The following NBEA variants were observed in gnomAD, a reference collection of about 807,000 sequenced individuals.
The protein encoded by NBEA is neurobeachin.
In NBEA, 44 loss-of-function variants were observed where a neutral mutation model predicts 343.4. That is an observed-to-expected ratio of 0.13 (90% confidence interval 0.10 to 0.16). The LOEUF (loss-of-function observed/expected upper bound fraction) is 0.16. Ranked by LOEUF, NBEA falls within the 10% of genes least tolerant of loss-of-function variation. The probability of loss-of-function intolerance (pLI) is 1.00; values close to 1 mark genes in which losing one functional copy is unlikely to be tolerated. For missense variants in NBEA, 2,555 were observed against 3,631.3 expected (o/e 0.70, Z 7.62); for synonymous variants, 1,175 against 1,238.7 (o/e 0.95, Z 1.08).
intron 34 of NBEA, among the ~76,000 whole-genome samples, chr13:35,288,007 G>T (rs900694243): frequency 2.0e-5 from 3 of 151,782 alleles, no homozygotes; most frequent in African/African-American, 7.3e-5. Context: ...ACTTGGGAAG[G>T]TATAAATAAT....
chr13:35,159,752 T>G lies in NBEA; in HGVS notation c.3581T>G (p.Val1194Gly). ...LGLLAHMTGS[V>G]DLTCTSSIIE... is the part of the protein sequence containing the mutation. The stretch of plus-strand genomic sequence containing the variant: ...TTGCTTGCTCACATGACCGGTAGCG[T>G]AGACTTAACTTGTACATCCAGTATA... The change falls in exon 22 of 59, where the codon GTA (valine) becomes GGA (glycine). Residue 1194 changes from valine to glycine, a missense_variant. By Grantham distance (109) the Val-to-Gly change is moderately radical. Around this residue, in one of 21 missense-constraint regions of NBEA, gnomAD observed 367 missense variants for 377.5 expected, o/e 0.97. Coordinates refer to ENST00000379939, the MANE Select transcript of NBEA (RefSeq NM_001385012.1). The G allele has an allele frequency of 6.2e-7, 1 of 1,613,286 alleles. No homozygotes were observed. Among genetic ancestry groups the G allele is most frequent in the Non-Finnish European group, 8.5e-7 (1 of 1,179,632 alleles).
intron 37 of NBEA, among the ~76,000 whole-genome samples, chr13:35,350,541 T>C (rs1015464974): frequency 3.9e-5 from 6 of 152,106 alleles, no homozygotes; most frequent in Non-Finnish European, 7.4e-5. Flanking sequence ...TTGTGGGTCA[T>C]CTTCCCAAGG....
chr13:35,080,766 G>A (rs2064350771), intron 10 of NBEA, among the ~76,000 whole-genome samples: 1 of 152,146 alleles, frequency 6.6e-6, no homozygotes, highest in Non-Finnish European at 1.5e-5. Context: ...AGGGTAAAAA[G>A]TTTAGCACTA....
At chr13:35,651,603 T>C (rs2084525910) in intron 52 of NBEA, among the ~76,000 whole-genome samples, 1 of 152,208 alleles carries the variant, frequency 6.6e-6, no homozygotes, top group Admixed American at 6.5e-5. Context: ...CCCAGCCTTG[T>C]ACATCGTAAG....
intron 41 of NBEA, among the ~76,000 whole-genome samples, chr13:35,503,601 T>C (rs2152982155): frequency 6.6e-6 from 1 of 152,152 alleles, no homozygotes; most frequent in East Asian, 1.9e-4. Flanking sequence ...TGTATACTTG[T>C]TCATTTACCA....
chr13:35,055,950 G>A, intron 6 of NBEA, 60 bp from the exon 7 acceptor site: 5 of 1,347,500 alleles, frequency 3.7e-6, no homozygotes, highest in South Asian at 1.7e-5. Context: ...TGTTACAATT[G>A]CATTTTAGAC....
intron 6 of NBEA, among the ~76,000 whole-genome samples, chr13:35,055,263 C>T (rs1241141318): frequency 6.6e-6 from 1 of 152,042 alleles, no homozygotes; most frequent in African/African-American, 2.4e-5. Context: ...AGGCTATTAA[C>T]TCTCAGGAGA....
intron 41 of NBEA, among the ~76,000 whole-genome samples, chr13:35,488,135 A>G (rs986518410): frequency 1.3e-4 from 20 of 151,926 alleles, no homozygotes; most frequent in Admixed American, 9.9e-4. Flanking sequence ...ACTTATAATA[A>G]TAAGTTATAC....
At chr13:35,449,183 TC>T (rs1348418562) in intron 39 of NBEA, among the ~76,000 whole-genome samples, 2 of 152,262 alleles carry the variant, frequency 1.3e-5, no homozygotes, top group Non-Finnish European at 2.9e-5. Flanking sequence ...GATTTTATCC[TC>T]CAGTCTAAGT....
At chr13:35,350,575 A>G (rs1353522024) in intron 37 of NBEA, among the ~76,000 whole-genome samples, 2 of 152,126 alleles carry the variant, frequency 1.3e-5, no homozygotes, top group African/African-American at 4.8e-5. Flanking sequence ...CCAAGGAAAC[A>G]TGAAGACTTA....
rs372562824 is a variant in NBEA at position 35,195,952 on chromosome 13, T to C, written c.5016T>C (p.His1672=). 184 of 1,613,448 alleles carry C rather than the reference T, an allele frequency of 1.1e-4. No homozygotes were observed. The African/African-American group carries it at 2.1e-3, about 19-fold the overall frequency. ...TTCAGGTAGAAAGTTCAATTCCCCATACAGATTCAGGAATTGGAGAGGAGC... is the reference window on the plus strand; with the variant it reads ...TTCAGGTAGAAAGTTCAATTCCCCACACAGATTCAGGAATTGGAGAGGAGC... ...EDIQVESSIP[H]TDSGIGEEQV... The change falls in exon 31 of 59, where the codon CAT becomes CAC. Residue 1672 remains histidine (H), a synonymous_variant. Transcript: ENST00000379939.
At chr13:35,203,031 A>G (rs2073128534) in intron 31 of NBEA, among the ~76,000 whole-genome samples, 1 of 152,084 alleles carries the variant, frequency 6.6e-6, no homozygotes, top group African/African-American at 2.4e-5. Context: ...CCAAACCACC[A>G]TCATTTCTTG....
intron 1 of NBEA, among the ~76,000 whole-genome samples, chr13:35,000,017 A>G (rs2061073745): frequency 6.6e-6 from 1 of 152,124 alleles, no homozygotes; most frequent in Admixed American, 6.6e-5. Flanking sequence ...TTAGATTATC[A>G]ACAGATTATC....
At chr13:35,186,848 C>G (rs1388005619) in intron 30 of NBEA, among the ~76,000 whole-genome samples, 5 of 152,086 alleles carry the variant, frequency 3.3e-5, no homozygotes, top group Admixed American at 3.3e-4. Flanking sequence ...AGTTCACTTT[C>G]GGTGAACAAC....
rs1199056928 is a variant in NBEA, at chr13:35,056,086, T to A, written c.1049T>A (p.Leu350Gln). The change falls in exon 7 of 59, where the codon CTG becomes CAG. Residue 350 changes from leucine (L) to glutamine (Q), a missense_variant. Around this residue, in one of 21 missense-constraint regions of NBEA, gnomAD observed 75 missense variants for 237.4 expected, o/e 0.32. Coordinates refer to ENST00000379939, the MANE Select transcript of NBEA (RefSeq NM_001385012.1). ...SEIRCYVNGQ[L>Q]VSYGDMAWHV... ...ATTCGGTGTTATGTTAATGGACAAC[T>A]GGTATCTTATGGTGATATGGCTTGG... 6.2e-7 allele frequency: 1 copy of A among 1,606,412 alleles called. No homozygotes were observed.
chr13:35,521,888 T>C (rs1594872039), intron 41 of NBEA, among the ~76,000 whole-genome samples: 1 of 152,206 alleles, frequency 6.6e-6, no homozygotes, highest in Non-Finnish European at 1.5e-5. Context: ...TTAACTATTT[T>C]GGTTCCTCCT....
intron 46 of NBEA, chr13:35,592,986 G>A (rs1296754010): frequency 1.5e-5 from 3 of 201,494 alleles, no homozygotes; most frequent in Non-Finnish European, 3.0e-5. Context: ...TGCAATGTTA[G>A]TGTATATATA....
chr13:35,167,780 T>G (rs191984236), intron 24 of NBEA, among the ~76,000 whole-genome samples: 3 of 151,974 alleles, frequency 2.0e-5, no homozygotes, highest in Admixed American at 2.0e-4. Flanking sequence ...ATTGTTTAAC[T>G]TGGTCATAAA....
intron 41 of NBEA, among the ~76,000 whole-genome samples, chr13:35,496,400 T>G (rs1302363027): frequency 1.3e-5 from 2 of 151,870 alleles, no homozygotes; most frequent in African/African-American, 4.8e-5. Context: ...TTTGATTGGC[T>G]GAGGCAGGAG....
Sources: allele counts gnomAD v4.1 joint callset (sites outside exome capture counted in the v4.1 genomes callset), GRCh38; gene constraint gnomAD v4.1.1; regional missense constraint gnomAD v4.1.1; transcripts MANE v1.5; gene names NCBI Gene and HGNC (gene_info 2026-07-23, HGNC 2026-07-21).